SLC36A1: variants seen among roughly 807,000 people sequenced by gnomAD.
The protein encoded by SLC36A1 is proton-coupled amino acid transporter 1.
In SLC36A1, 30 loss-of-function variants were observed where a neutral mutation model predicts 47.5. The observed-to-expected ratio is 0.63, with a 90% CI of 0.47 to 0.86. The LOEUF is 0.86. Ranked by LOEUF, SLC36A1 falls within the 40% of genes least tolerant of loss-of-function variation. The pLI, the probability that SLC36A1 is intolerant of heterozygous loss-of-function variation, is 0.00. For missense variants in SLC36A1, 517 were observed against 606.0 expected, an observed-to-expected ratio of 0.85 and a Z score of 1.54; for synonymous variants, 255 against 249.7, an observed-to-expected ratio of 1.02 and a Z score of -0.20.
At chr5:151,471,251 TGAC>T (rs1176029980) in intron 7 of SLC36A1, among the ~76,000 whole-genome samples, 1 of 152,262 alleles carries the variant, frequency 6.6e-6, no homozygotes, top group Non-Finnish European at 1.5e-5. Flanking sequence ...AAGAACTTAT[TGAC>T]GACAAGGGAG....
chr5:151,368,333 A>C, the SLC36A1 span, among the ~76,000 whole-genome samples: 1 of 152,284 alleles, frequency 6.6e-6, no homozygotes, highest in Non-Finnish European at 1.5e-5. Flanking sequence ...TAGATGGAAC[A>C]TAATTTAGCT....
At chr5:151,503,054 T>C in the SLC36A1 span, among the ~76,000 whole-genome samples, 2 of 148,168 alleles carry the variant, frequency 1.3e-5, no homozygotes, top group Non-Finnish European at 2.9e-5. Flanking sequence ...GCAATAAGTT[T>C]CGTGGTTGCC....
At chr5:151,507,449 C>G in the SLC36A1 span, 1 of 1,614,060 alleles carries the variant, frequency 6.2e-7, no homozygotes, top group Non-Finnish European at 8.5e-7. Context: ...GCTTGTGAGA[C>G]TTGCAACGGC....
intron 10 of SLC36A1, among the ~76,000 whole-genome samples, chr5:151,487,368 C>T (rs760278688): frequency 2.0e-5 from 3 of 152,236 alleles, no homozygotes; most frequent in Non-Finnish European, 4.4e-5. Context: ...GGCTGAGTTT[C>T]AGATGTGAGA....
chr5:151,388,944 T>G, the SLC36A1 span, among the ~76,000 whole-genome samples: 5 of 152,242 alleles, frequency 3.3e-5, no homozygotes, highest in Admixed American at 3.3e-4. Flanking sequence ...ACTAACCACT[T>G]GGAACTAATT....
chr5:151,523,056 T>C, the SLC36A1 span, among the ~76,000 whole-genome samples: 9 of 152,194 alleles, frequency 5.9e-5, no homozygotes, highest in Admixed American at 5.9e-4. Flanking sequence ...ATGTTATCAC[T>C]TCCTCAGCTG....
At chr5:151,536,522 C>T in the SLC36A1 span, among the ~76,000 whole-genome samples, 1 of 152,162 alleles carries the variant, frequency 6.6e-6, no homozygotes, top group Non-Finnish European at 1.5e-5. Context: ...CCTGCAGCAG[C>T]AGGGCAGGAA....
the SLC36A1 span, chr5:151,546,220 C>G: frequency 6.2e-7 from 1 of 1,614,112 alleles, no homozygotes; most frequent in Non-Finnish European, 8.5e-7. Flanking sequence ...TTGTGGGGAG[C>G]CTTGATCTTC....
the SLC36A1 span, among the ~76,000 whole-genome samples, chr5:151,374,005 CG>C: frequency 6.6e-6 from 1 of 152,114 alleles, no homozygotes; most frequent in Non-Finnish European, 1.5e-5. Flanking sequence ...AGATTCTCCC[CG>C]GGGCCTGAAA....
the SLC36A1 span, among the ~76,000 whole-genome samples, chr5:151,353,980 G>T: frequency 3.3e-5 from 5 of 152,074 alleles, no homozygotes; most frequent in Non-Finnish European, 7.4e-5. Flanking sequence ...AAGACATCTT[G>T]GTTGCTCCCA....
the SLC36A1 span, chr5:151,517,720 G>A: frequency 6.2e-7 from 1 of 1,614,192 alleles, no homozygotes; most frequent in Non-Finnish European, 8.5e-7. Context: ...AGCCGCTGGG[G>A]CCCTGTACCG....
At chr5:151,362,257 T>A in the SLC36A1 span, among the ~76,000 whole-genome samples, 1 of 152,168 alleles carries the variant, frequency 6.6e-6, no homozygotes. Context: ...GTTTTCTTTT[T>A]TTCCCCCTCT....
At chr5:151,368,883 T>C in the SLC36A1 span, among the ~76,000 whole-genome samples, 1 of 152,212 alleles carries the variant, frequency 6.6e-6, no homozygotes, top group Non-Finnish European at 1.5e-5. Context: ...AGGACTTCCC[T>C]GGCCCCTTAG....
chr5:151,395,712 AAT>A, the SLC36A1 span, among the ~76,000 whole-genome samples: 1 of 152,190 alleles, frequency 6.6e-6, no homozygotes, highest in African/African-American at 2.4e-5. Flanking sequence ...TTCAAGACAT[AAT>A]GGTAGATGGG....
At chr5:151,430,771 G>C in the SLC36A1 span, among the ~76,000 whole-genome samples, 24 of 152,190 alleles carry the variant, frequency 1.6e-4, no homozygotes, top group African/African-American at 5.5e-4. Context: ...ATCTTCTTCA[G>C]TGGAGGTAGA....
At chr5:151,523,506 G>GT in the SLC36A1 span, among the ~76,000 whole-genome samples, 1 of 152,182 alleles carries the variant, frequency 6.6e-6, no homozygotes, top group Non-Finnish European at 1.5e-5. Flanking sequence ...ATACCTATCT[G>GT]TGTCTATAGC....
At chr5:151,345,028 C>G in the SLC36A1 span, among the ~76,000 whole-genome samples, 1 of 152,144 alleles carries the variant, frequency 6.6e-6, no homozygotes, top group South Asian at 2.1e-4. Context: ...CTCCCCCAAA[C>G]AAAAACTCAG....
chr5:151,428,338 G>GA, the SLC36A1 span, among the ~76,000 whole-genome samples: 13 of 152,054 alleles, frequency 8.5e-5, no homozygotes, highest in Admixed American at 6.5e-5. Context: ...TCCCTCAGCA[G>GA]AAAAAAAGCA....
chr5:151,527,553 T>C, the SLC36A1 span, among the ~76,000 whole-genome samples: 2 of 151,580 alleles, frequency 1.3e-5, no homozygotes, highest in African/African-American at 4.9e-5. Context: ...CAGAAATAGG[T>C]GTGATTCCCT....
Sources: gnomAD v4.1 joint callset for allele counts (sites outside exome capture counted in the v4.1 genomes callset) on GRCh38, gnomAD v4.1.1 for gene constraint, MANE v1.5 for transcripts, NCBI Gene and HGNC (gene_info 2026-07-23, HGNC 2026-07-21) for gene names.